Variants in STPG2 observed in about 807,000 individuals in gnomAD.
STPG2 encodes the protein sperm-tail PG-rich repeat-containing protein 2.
In STPG2, 56 loss-of-function variants were observed where a neutral mutation model predicts 54.2. That is an observed-to-expected ratio of 1.03 (90% CI 0.83 to 1.29). The LOEUF is 1.29. Ranked by LOEUF, STPG2 falls within the 50% of genes most tolerant of loss-of-function variation. The pLI is 0.00. For synonymous variants in STPG2, 200 were observed against 181.8 expected, an observed-to-expected ratio of 1.10 and a Z score of -0.81; for missense variants, 596 against 544.9, an observed-to-expected ratio of 1.09 and a Z score of -0.93.
chr4:97,905,854 C>T (rs1054304633), intron 8 of STPG2, among the ~76,000 whole-genome samples: 21 of 152,076 alleles, frequency 1.4e-4, no homozygotes, highest in African/African-American at 2.4e-4. Flanking sequence ...ATCTCTGGGA[C>T]GCATTCAAAG....
chr4:97,741,875 A>G (rs1725249926), intron 9 of STPG2, among the ~76,000 whole-genome samples: 1 of 152,298 alleles, frequency 6.6e-6, no homozygotes, highest in East Asian at 1.9e-4. Context: ...TATATACCCA[A>G]AGGACTATAA....
At chr4:97,740,378 G>A (rs1456968898) in intron 9 of STPG2, among the ~76,000 whole-genome samples, 2 of 151,944 alleles carry the variant, frequency 1.3e-5, no homozygotes, top group Non-Finnish European at 2.9e-5. Context: ...TTAGGCAGGA[G>A]AAGAAATAAA....
chr4:97,661,678 T>G (rs185300044), intron 10 of STPG2, among the ~76,000 whole-genome samples: 30 of 151,712 alleles, frequency 2.0e-4, no homozygotes, highest in African/African-American at 7.0e-4. Context: ...CCATAATAAG[T>G]ACTTTAAGTG....
intron 8 of STPG2, among the ~76,000 whole-genome samples, chr4:97,902,484 T>C (rs1398831813): frequency 6.6e-6 from 1 of 152,012 alleles, no homozygotes; most frequent in Non-Finnish European, 1.5e-5. Context: ...GTTGGCAAAA[T>C]ACTTGAATAA....
intron 3 of STPG2, among the ~76,000 whole-genome samples, chr4:98,127,269 T>C (rs1560691510): frequency 6.6e-6 from 1 of 152,160 alleles, no homozygotes; most frequent in Non-Finnish European, 1.5e-5. Flanking sequence ...GATGGGTACA[T>C]AGGTATCCAT....
chr4:97,506,938 CATAAT>C (rs1730856626), intron 4 of STPG2, among the ~76,000 whole-genome samples: 1 of 151,858 alleles, frequency 6.6e-6, no homozygotes, highest in African/African-American at 2.4e-5. Context: ...AATATATTGT[CATAAT>C]ATAATATGTA....
intron 8 of STPG2, among the ~76,000 whole-genome samples, chr4:97,913,194 G>C (rs1560586365): frequency 6.6e-6 from 1 of 152,156 alleles, no homozygotes. Flanking sequence ...GCTGTCCTGG[G>C]AAGTTAACAA....
At chr4:97,551,128 A>G (rs1731957737) in intron 4 of STPG2, among the ~76,000 whole-genome samples, 1 of 152,064 alleles carries the variant, frequency 6.6e-6, no homozygotes, top group African/African-American at 2.4e-5. Flanking sequence ...GTCCGTTTTT[A>G]CAGAGTGCTG....
chr4:97,607,470 A>G (rs1733625271), intron 10 of STPG2, among the ~76,000 whole-genome samples: 1 of 152,074 alleles, frequency 6.6e-6, no homozygotes, highest in Non-Finnish European at 1.5e-5. Context: ...AGAGGGTGGA[A>G]GAAAATATTG....
At chr4:98,022,911 A>G (rs1317774350) in intron 5 of STPG2, among the ~76,000 whole-genome samples, 1 of 152,056 alleles carries the variant, frequency 6.6e-6, no homozygotes, top group African/African-American at 2.4e-5. Flanking sequence ...TTCTAGTTAT[A>G]CATTCATCTA....
intron 9 of STPG2, among the ~76,000 whole-genome samples, chr4:97,791,270 G>T (rs1010005055): frequency 2.0e-5 from 3 of 152,072 alleles, no homozygotes; most frequent in Non-Finnish European, 4.4e-5. Context: ...ATCTCTGAAA[G>T]CATGTACCCT....
At chr4:97,728,346 CTAAGTA>C (rs1724685219) in intron 9 of STPG2, among the ~76,000 whole-genome samples, 1 of 151,938 alleles carries the variant, frequency 6.6e-6, no homozygotes, top group African/African-American at 2.4e-5. Context: ...TCATTTATTT[CTAAGTA>C]TTAGTAAAAA....
intron 4 of STPG2, among the ~76,000 whole-genome samples, chr4:97,510,565 T>G (rs1361939505): frequency 6.6e-6 from 1 of 152,014 alleles, no homozygotes; most frequent in African/African-American, 2.4e-5. Flanking sequence ...CCCCCTATCT[T>G]TTTGGCACCA....
At chr4:97,638,307 C>G (rs1019790309) in intron 10 of STPG2, among the ~76,000 whole-genome samples, 1 of 152,080 alleles carries the variant, frequency 6.6e-6, no homozygotes. Context: ...AAAGCTGAAA[C>G]TGGATCCCTT....
chr4:97,816,560 GA>G (rs1250016288), intron 9 of STPG2, among the ~76,000 whole-genome samples: 1 of 152,078 alleles, frequency 6.6e-6, no homozygotes, highest in Admixed American at 6.6e-5. Flanking sequence ...ATGTCTGTGA[GA>G]GTGTTTCTGA....
At chr4:97,890,662 A>C (rs1730734587) in intron 8 of STPG2, among the ~76,000 whole-genome samples, 1 of 151,876 alleles carries the variant, frequency 6.6e-6, no homozygotes. Flanking sequence ...TATATATTTC[A>C]AAAAACAGCT....
intron 5 of STPG2, among the ~76,000 whole-genome samples, chr4:98,038,163 C>T (rs139805516): frequency 2.0e-3 from 301 of 152,152 alleles, no homozygotes; most frequent in African/African-American, 7.1e-3. Flanking sequence ...GCACATGTTA[C>T]TGCACCTGGC....
intron 5 of STPG2, among the ~76,000 whole-genome samples, chr4:98,055,104 G>A (rs1312201004): frequency 6.6e-6 from 1 of 152,106 alleles, no homozygotes; most frequent in African/African-American, 2.4e-5. Context: ...ACTAGATCAT[G>A]AAGACCTGAA....
chr4:98,022,654 T>C (rs7684008), intron 5 of STPG2, among the ~76,000 whole-genome samples: 59,348 of 151,360 alleles, frequency 0.39, 11,777 homozygotes, highest in Middle Eastern at 0.46. Flanking sequence ...TTCAGGTACA[T>C]CAATCAGACG....
Sources: allele counts gnomAD v4.1 joint callset (sites outside exome capture counted in the v4.1 genomes callset), GRCh38; gene constraint gnomAD v4.1.1; transcripts MANE v1.5; gene names NCBI Gene and HGNC (gene_info 2026-07-23, HGNC 2026-07-21).